PLCG2: variants seen among roughly 807,000 people sequenced by gnomAD.
The protein encoded by PLCG2 is 1-phosphatidylinositol 4,5-bisphosphate phosphodiesterase gamma-2.
A neutral mutation model predicts 175.6 loss-of-function variants in PLCG2; 69 were observed. The ratio of observed to expected loss-of-function variants is 0.39; its 90% CI spans 0.32 to 0.48. PLCG2 has a LOEUF of 0.48. Ranked by LOEUF, PLCG2 falls within the 20% of genes least tolerant of loss-of-function variation. PLCG2 has a pLI of 0.91. For synonymous variants in PLCG2, 827 were observed against 624.0 expected, an observed-to-expected ratio of 1.33 and a Z score of -4.85; for missense variants, 1,798 against 1,650.9, an observed-to-expected ratio of 1.09 and a Z score of -1.54.
At chr16:81,814,251 C>T (rs1468303529) in intron 2 of PLCG2, among the ~76,000 whole-genome samples, 2 of 152,152 alleles carry the variant, frequency 1.3e-5, no homozygotes, top group African/African-American at 2.4e-5. Context: ...TCACTGTTCT[C>T]CTCAATAGGT....
chr16:81,961,041 TATC>T lies in PLCG2; in HGVS notation c.*3045_*3047del. On this transcript the variant is annotated 3_prime_UTR_variant, in exon 33 of 33. Coordinates refer to ENST00000564138, the MANE Select transcript of PLCG2 (RefSeq NM_002661.5). ...GTGGATATTTGGAAAGTGAAAGACT[TATC>T]AACAGGGCACAAATCTTTTTGCAAA... The T allele has an allele frequency of 4.3e-6, 1 of 231,482 alleles. No homozygotes were observed. The highest frequency in any genetic ancestry group is 1.8e-4 in the South Asian group (1 of 5,514). The allele number at this position is 231,482 out of a possible 1,614,324, so 14.3% of individuals were successfully genotyped here.
At chr16:81,808,824 C>T (rs917851740) in intron 2 of PLCG2, among the ~76,000 whole-genome samples, 1 of 152,182 alleles carries the variant, frequency 6.6e-6, no homozygotes, top group Non-Finnish European at 1.5e-5. Flanking sequence ...AGCTCCATAG[C>T]CTCTGTGGGC....
chr16:81,772,756 C>T (rs1910311246), intron 2 of PLCG2, among the ~76,000 whole-genome samples: 1 of 152,018 alleles, frequency 6.6e-6, no homozygotes, highest in African/African-American at 2.4e-5. Context: ...TTGCAGTGAG[C>T]CAAGATCATG....
intron 5 of PLCG2, among the ~76,000 whole-genome samples, chr16:81,860,134 G>T (rs1906894545): frequency 1.5e-5 from 2 of 132,846 alleles, no homozygotes; most frequent in Admixed American, 7.4e-5. Context: ...ACCATGCCTG[G>T]CTTATTTACT....
chr16:81,756,443 A>T (rs892944412), intron 2 of PLCG2, among the ~76,000 whole-genome samples: 1 of 152,202 alleles, frequency 6.6e-6, no homozygotes, highest in Non-Finnish European at 1.5e-5. Flanking sequence ...CATTTTACAG[A>T]TGAGGGAACG....
Position 81,921,200 on chromosome 16 carries a change from A to G in PLCG2, c.2238A>G (p.Glu746=), listed in dbSNP as rs763959310. 2.5e-6 allele frequency: 4 copies of G among 1,573,698 alleles called. No individual in the cohort carries two copies. Among genetic ancestry groups the G allele is most frequent in the Admixed American group, 3.3e-5 (2 of 59,790 alleles). ...TCTTTCTTTCTTTTTTTTTCCAGGA[A>G]AGAGATATAAACTCCCTCTACGACG... ...TPELLERYNM[E]RDINSLYDVS... The change falls in exon 21 of 33, where the codon GAA becomes GAG. Residue 746 remains glutamate (E), a splice_region_variant and synonymous_variant. Coordinates refer to ENST00000564138, the MANE Select transcript of PLCG2 (RefSeq NM_002661.5).
At chr16:81,921,563 G>C in intron 21 of PLCG2, 1 of 423,314 alleles carries the variant, frequency 2.4e-6, no homozygotes, top group African/African-American at 2.0e-5. Context: ...AATGTTTTTG[G>C]CTCGCTGACA....
chr16:81,786,017 C>G lies in PLCG2; in HGVS notation c.28C>G (p.Leu10Val), dbSNP rs766002121. 2 of 1,614,180 alleles carry G rather than the reference C, an allele frequency of 1.2e-6. No homozygotes were observed. Among genetic ancestry groups the G allele is most frequent in the Admixed American group, 3.3e-5 (2 of 60,022 alleles). MSTTVNVDS[L>V]AEYEKSQIKR... ...GTCCACCACGGTCAATGTAGATTCC[C>G]TTGCGGAATATGAGAAGAGCCAGAT... is the stretch of plus-strand genomic sequence containing the variant. The change falls in exon 2 of 33, where the codon CTT becomes GTT. Residue 10 changes from leucine to valine, a missense_variant. Coordinates refer to ENST00000564138, the MANE Select transcript of PLCG2 (RefSeq NM_002661.5).
chr16:81,799,865 T>C lies in PLCG2; in HGVS notation c.193+13683T>C, dbSNP rs577800583. Among the ~76,000 whole-genome samples, 48 of 152,336 alleles carry C rather than the reference T, an allele frequency of 3.2e-4. No individual in the cohort carries two copies. In the South Asian group the frequency reaches 3.9e-3, roughly 12 times the overall value. ...ACCTTGGCCTCCTAAAGTGCTGGGATTACAGGTGTGAACCACTGAGCCCAG... is the reference window on the plus strand; with the variant it reads ...ACCTTGGCCTCCTAAAGTGCTGGGACTACAGGTGTGAACCACTGAGCCCAG... On this transcript the variant is annotated intron_variant, in intron 2 of 32. Transcript: ENST00000564138.
At chr16:81,858,555 A>G (rs765912538) in intron 4 of PLCG2, among the ~76,000 whole-genome samples, 199 bp downstream of exon 4, 8 of 152,286 alleles carry the variant, frequency 5.3e-5, no homozygotes, top group Non-Finnish European at 1.0e-4. Context: ...TCCCTGTGCT[A>G]GTTTTCAGCG....
At chr16:81,892,403 G>C (rs1049584584) in intron 11 of PLCG2, among the ~76,000 whole-genome samples, 1 of 152,182 alleles carries the variant, frequency 6.6e-6, no homozygotes, top group African/African-American at 2.4e-5. Context: ...TATTGGGTGA[G>C]GGGTGAAGTC....
At chr16:81,849,467 A>T (rs1175329084) in intron 2 of PLCG2, among the ~76,000 whole-genome samples, 1 of 152,140 alleles carries the variant, frequency 6.6e-6, no homozygotes, top group Non-Finnish European at 1.5e-5. Flanking sequence ...CAGTTCAAAG[A>T]TCCCCTCTTG....
intron 16 of PLCG2, 22 bp from the exon 17 acceptor site, chr16:81,908,394 C>G (rs1909470481): frequency 1.9e-6 from 3 of 1,607,900 alleles, no homozygotes; most frequent in Non-Finnish European, 2.6e-6. Flanking sequence ...TTTCAGAAAC[C>G]CCTCCTCTCT....
intron 2 of PLCG2, among the ~76,000 whole-genome samples, chr16:81,803,552 T>TC (rs377400495): frequency 8.2e-5 from 5 of 61,316 alleles, no homozygotes; most frequent in African/African-American, 1.6e-4. Flanking sequence ...TTCTTTCCTT[T>TC]CTTTCCTTCC....
At chr16:81,911,943 G>A (rs1283794240) in intron 18 of PLCG2, among the ~76,000 whole-genome samples, 22 of 151,940 alleles carry the variant, frequency 1.4e-4, no homozygotes, top group South Asian at 6.3e-4. Flanking sequence ...GACTACAGGC[G>A]CCTGCCACCA....
At chr16:81,944,753 G>C (rs976989061) in intron 30 of PLCG2, among the ~76,000 whole-genome samples, 2 of 152,130 alleles carry the variant, frequency 1.3e-5, no homozygotes, top group African/African-American at 4.8e-5. Context: ...TAGGATTACA[G>C]GCATGAGCCA....
intron 29 of PLCG2, among the ~76,000 whole-genome samples, chr16:81,939,152 G>C (rs1910836650): frequency 6.6e-6 from 1 of 152,092 alleles, no homozygotes; most frequent in Admixed American, 6.5e-5. Flanking sequence ...GGAATCGTAG[G>C]TGAGGCCCTG....
At chr16:81,809,691 G>A (rs1467135174) in intron 2 of PLCG2, among the ~76,000 whole-genome samples, 1 of 152,076 alleles carries the variant, frequency 6.6e-6, no homozygotes. Flanking sequence ...CGGTGTGTGA[G>A]CCTGTGTGTG....
intron 2 of PLCG2, among the ~76,000 whole-genome samples, chr16:81,758,142 G>A (rs565553504): frequency 1.1e-3 from 171 of 152,080 alleles, no homozygotes; most frequent in African/African-American, 4.1e-3. Flanking sequence ...GGCCTGGCTA[G>A]ATTTTTGTAT....
Sources: gnomAD v4.1 joint callset for allele counts (sites outside exome capture counted in the v4.1 genomes callset) on GRCh38, gnomAD v4.1.1 for gene constraint, MANE v1.5 for transcripts, NCBI Gene and HGNC (gene_info 2026-07-23, HGNC 2026-07-21) for gene names.